Variants in ESRRG observed in about 807,000 individuals in gnomAD.
The protein encoded by ESRRG is estrogen-related receptor gamma.
Under a neutral mutation model 44.0 loss-of-function variants are expected in ESRRG, and 13 were observed. The ratio of observed to expected loss-of-function variants is 0.30; its 90% confidence interval spans 0.19 to 0.47. The LOEUF is 0.47. Among genes scored for constraint, ESRRG ranks in the 20% least tolerant of loss-of-function variants. ESRRG has a pLI of 1.00. For synonymous variants in ESRRG, 215 were observed against 214.6 expected, an observed-to-expected ratio of 1.00 and a Z score of -0.02; for missense variants, 395 against 580.6, an observed-to-expected ratio of 0.68 and a Z score of 3.29.
chr1:216,880,567 A>G (rs1428765329), intron 2 of ESRRG, among the ~76,000 whole-genome samples: 1 of 152,108 alleles, frequency 6.6e-6, no homozygotes, highest in African/African-American at 2.4e-5. Flanking sequence ...CACTGCATTC[A>G]TAATTTTCTA....
rs2074584631 is a variant in ESRRG at position 216,984,738 on chromosome 1, G to A, written c.-105-45065C>T. Among the ~76,000 whole-genome samples the A allele has an allele frequency of 2.0e-5, 3 of 152,106 alleles. No homozygotes were observed. In the South Asian group the frequency reaches 6.2e-4, roughly 32 times the overall value. ...AGGAGAGTTATTTGCATAATCCTTGGTTATTCACAGATATTTGGTGACTAA... is the reference window on the plus strand; with the variant it reads ...AGGAGAGTTATTTGCATAATCCTTGATTATTCACAGATATTTGGTGACTAA... On this transcript the variant is annotated intron_variant, in intron 1 of 7. Coordinates refer to the ESRRG transcript ENST00000359162.
intron 1 of ESRRG, among the ~76,000 whole-genome samples, chr1:217,053,489 GA>G (rs2086512873): frequency 6.6e-6 from 1 of 150,458 alleles, no homozygotes; most frequent in African/African-American, 2.4e-5. Flanking sequence ...AAGAAAGAAA[GA>G]AAGAAAGAAA....
At chr1:216,942,064 T>G (rs1351569832) in intron 1 of ESRRG, among the ~76,000 whole-genome samples, 2 of 144,398 alleles carry the variant, frequency 1.4e-5, no homozygotes, top group African/African-American at 5.1e-5. Context: ...CTTGATCCCC[T>G]CCCTCCCTCC....
intron 2 of ESRRG, among the ~76,000 whole-genome samples, chr1:216,835,309 G>A (rs2095547330): frequency 6.6e-6 from 1 of 152,218 alleles, no homozygotes; most frequent in Non-Finnish European, 1.5e-5. Flanking sequence ...CTTGGTGGAA[G>A]AAGATTATAT....
upstream of ESRRG, among the ~76,000 whole-genome samples, chr1:217,091,820 C>T (rs1334167733): frequency 6.6e-6 from 1 of 152,192 alleles, no homozygotes; most frequent in Non-Finnish European, 1.5e-5. Flanking sequence ...AGTAACTATC[C>T]AAGAGGTACT....
intron 2 of ESRRG, among the ~76,000 whole-genome samples, chr1:216,755,590 G>A (rs1170854385): frequency 6.6e-6 from 1 of 151,694 alleles, no homozygotes; most frequent in Non-Finnish European, 1.5e-5. Context: ...ACCTCACATG[G>A]TCCCCACATA....
At chr1:216,922,295 G>C (rs2061944913) in intron 2 of ESRRG, among the ~76,000 whole-genome samples, 1 of 152,164 alleles carries the variant, frequency 6.6e-6, no homozygotes, top group Non-Finnish European at 1.5e-5. Context: ...TCTCTCACCT[G>C]ATAATTTTTC....
intron 3 of ESRRG, among the ~76,000 whole-genome samples, chr1:216,601,845 A>G (rs957939838): frequency 6.6e-6 from 1 of 152,206 alleles, no homozygotes; most frequent in African/African-American, 2.4e-5. Context: ...GCTTTCTATA[A>G]TATACTTTGT....
At chr1:216,682,400 T>C (rs2077178251) in intron 1 of ESRRG, among the ~76,000 whole-genome samples, 1 of 152,214 alleles carries the variant, frequency 6.6e-6, no homozygotes, top group South Asian at 2.1e-4. Context: ...GTAATCATCA[T>C]CATTATAAAT....
At chr1:216,727,908 A>G (rs970548074), upstream of ESRRG, among the ~76,000 whole-genome samples, 1 of 152,194 alleles carries the variant, frequency 6.6e-6, no homozygotes, top group African/African-American at 2.4e-5. Flanking sequence ...GGGGAAAAAA[A>G]AAGAATCAGA....
chr1:217,116,688 T>C (rs993373875), intron 1 of ESRRG, among the ~76,000 whole-genome samples: 1 of 152,196 alleles, frequency 6.6e-6, no homozygotes, highest in Admixed American at 6.5e-5. Context: ...GCTTCCTACT[T>C]ACAAAGACAG....
intron 1 of ESRRG, among the ~76,000 whole-genome samples, chr1:217,040,554 C>T (rs1558069935): frequency 6.6e-6 from 1 of 152,114 alleles, no homozygotes. Flanking sequence ...CAATCAAAAA[C>T]TTTTTTTATG....
At chr1:216,891,492 A>C (rs1007390295) in intron 2 of ESRRG, among the ~76,000 whole-genome samples, 1 of 152,178 alleles carries the variant, frequency 6.6e-6, no homozygotes, top group Non-Finnish European at 1.5e-5. Flanking sequence ...ACACATACAC[A>C]CGTACATATT....
At chr1:216,558,081 G>C (rs1572934035) in intron 5 of ESRRG, among the ~76,000 whole-genome samples, 1 of 152,084 alleles carries the variant, frequency 6.6e-6, no homozygotes, top group Non-Finnish European at 1.5e-5. Context: ...TGAGTGGTGA[G>C]GACAGGCCTC....
intron 1 of ESRRG, among the ~76,000 whole-genome samples, chr1:217,051,213 G>GC (rs1224531847): frequency 2.4e-5 from 3 of 122,452 alleles, no homozygotes; most frequent in African/African-American, 8.6e-5. Flanking sequence ...GCGGGGGGGG[G>GC]GGGTGCCAGG....
At chr1:216,821,705 T>A (rs201448402) in intron 2 of ESRRG, among the ~76,000 whole-genome samples, 17,082 of 84,434 alleles carry the variant, frequency 0.2, 3,533 homozygotes, top group Non-Finnish European at 0.27. Context: ...AATAAATAAA[T>A]AAATAAATAA....
At chr1:217,042,032 G>A (rs1019400856) in intron 1 of ESRRG, among the ~76,000 whole-genome samples, 8 of 152,104 alleles carry the variant, frequency 5.3e-5, no homozygotes, top group African/African-American at 1.9e-4. Flanking sequence ...GTCATCTTTT[G>A]ATGGTCCCTG....
In ESRRG at chr1:216,903,619, A is replaced by G. The variant is rs1452704133; in HGVS notation, c.-14+35963T>C. On this transcript the variant is annotated intron_variant, in intron 2 of 7. Coordinates refer to the ESRRG transcript ENST00000359162. ...CTGTACAGCTGGTCCCTGCTGGCCT[A>G]TATACTCAGGGGATAGACTGAATCT... Among the ~76,000 whole-genome samples the G allele has an allele frequency of 3.3e-5, 5 of 152,060 alleles. No homozygotes were observed. In the East Asian group the frequency reaches 7.8e-4, roughly 24 times the overall value.
intron 2 of ESRRG, among the ~76,000 whole-genome samples, chr1:216,837,364 T>C (rs1201744653): frequency 6.7e-6 from 1 of 149,050 alleles, no homozygotes; most frequent in African/African-American, 2.5e-5. Flanking sequence ...TAAGCCAAGA[T>C]CGTGCCACCG....
Sources: gnomAD v4.1 joint callset for allele counts (sites outside exome capture counted in the v4.1 genomes callset) on GRCh38, gnomAD v4.1.1 for gene constraint, MANE v1.5 for transcripts, NCBI Gene and HGNC (gene_info 2026-07-23, HGNC 2026-07-21) for gene names.